PUDP: variants seen among roughly 807,000 people sequenced by gnomAD.
PUDP encodes pseudouridine-5'-phosphatase.
Under a neutral mutation model 9.4 loss-of-function variants are expected in PUDP, and 8 were observed. The ratio of observed to expected loss-of-function variants is 0.85; its 90% confidence interval spans 0.50 to 1.53. The LOEUF is 1.53. PUDP is among the 40% of genes most tolerant of loss of function. The pLI is 0.00. For synonymous variants in PUDP, 99 were observed against 80.7 expected, an observed-to-expected ratio of 1.23 and a Z score of -1.22; for missense variants, 188 against 189.7, an observed-to-expected ratio of 0.99 and a Z score of 0.05.
chrX:7,036,944 C>G (rs1255348221), intron 1 of PUDP, among the ~76,000 whole-genome samples: 1 of 112,101 alleles, frequency 8.9e-6, no homozygotes, highest in Non-Finnish European at 1.9e-5. Flanking sequence ...TTAATTGATT[C>G]CTTAGAAATA....
intron 2 of PUDP, among the ~76,000 whole-genome samples, chrX:7,088,256 T>C (rs963936192): frequency 1.8e-5 from 2 of 111,676 alleles, no homozygotes; most frequent in Admixed American, 1.9e-4. Context: ...AATTTTTTTT[T>C]TAAGTAGCAA....
upstream of PUDP, among the ~76,000 whole-genome samples, chrX:6,725,862 C>T (rs975332645): frequency 9.0e-6 from 1 of 111,471 alleles, no homozygotes; most frequent in African/African-American, 3.3e-5. Flanking sequence ...ATGGAGAGTT[C>T]CCAAAGAACT....
chrX:7,039,550 CACAG>C (rs1327571245), intron 1 of PUDP, among the ~76,000 whole-genome samples: 2 of 111,612 alleles, frequency 1.8e-5, no homozygotes, highest in Admixed American at 1.9e-4. Context: ...CACAGACACA[CACAG>C]AGAGATGACC....
chrX:6,962,305 T>C (rs1928720553), intron 3 of PUDP, among the ~76,000 whole-genome samples: 1 of 112,437 alleles, frequency 8.9e-6, no homozygotes, highest in Non-Finnish European at 1.9e-5. Flanking sequence ...ATTTGTTTGA[T>C]TGAAATACTA....
chrX:7,063,401 A>C (rs1254602397), intron 3 of PUDP, among the ~76,000 whole-genome samples: 4 of 111,738 alleles, frequency 3.6e-5, no homozygotes, highest in Non-Finnish European at 7.5e-5. Flanking sequence ...ATTGCAAAGG[A>C]AAATGATGTT....
intron 1 of PUDP, among the ~76,000 whole-genome samples, chrX:6,707,165 A>G (rs1016748513): frequency 9.0e-6 from 1 of 111,513 alleles, no homozygotes; most frequent in Non-Finnish European, 1.9e-5. Context: ...TTTTTCTCCC[A>G]TGCAAAGAGG....
intron 1 of PUDP, among the ~76,000 whole-genome samples, chrX:7,032,837 C>G (rs1232186440): frequency 1.8e-5 from 2 of 111,597 alleles, no homozygotes; most frequent in Non-Finnish European, 1.9e-5. Context: ...GATCCTACAA[C>G]TCAAAATAAA....
intron 3 of PUDP, among the ~76,000 whole-genome samples, chrX:6,764,692 A>G (rs1258769675): frequency 9.0e-6 from 1 of 111,491 alleles, no homozygotes; most frequent in East Asian, 2.8e-4. Flanking sequence ...ATTCATCAAA[A>G]TTATTGACTA....
At chrX:6,931,474 C>T (rs1407153998) in intron 3 of PUDP, among the ~76,000 whole-genome samples, 1 of 111,930 alleles carries the variant, frequency 8.9e-6, no homozygotes, top group Non-Finnish European at 1.9e-5. Context: ...CCGTGACCAG[C>T]TTTGCATTAT....
At chrX:7,055,596 A>C (rs1930219716) in intron 3 of PUDP, among the ~76,000 whole-genome samples, 1 of 111,118 alleles carries the variant, frequency 9.0e-6, no homozygotes. Flanking sequence ...CGTTACACCC[A>C]AAGATCTAAT....
At chrX:6,721,220 C>A (rs953565982) in intron 1 of PUDP, among the ~76,000 whole-genome samples, 2 of 111,904 alleles carry the variant, frequency 1.8e-5, no homozygotes, top group Non-Finnish European at 3.8e-5. Context: ...ACAAGTTAGG[C>A]TTGCAAAGTT....
At chrX:6,983,904 C>A (rs900693849) in intron 1 of PUDP, among the ~76,000 whole-genome samples, 2 of 112,414 alleles carry the variant, frequency 1.8e-5, no homozygotes, top group South Asian at 3.7e-4. Flanking sequence ...TATTTAAATT[C>A]CCAAAAATTA....
rs188631724 is a variant in PUDP at position 6,978,498 on chromosome X, C to T, written c.205-155G>A. Reference sequence around the variant, plus strand: ...GTTTTTAATACATGTGTATCGTTGTCCAGATTGTACTCACCATTAAGGAAT... The same window carrying T: ...GTTTTTAATACATGTGTATCGTTGTTCAGATTGTACTCACCATTAAGGAAT... On this transcript the variant is annotated intron_variant and NMD_transcript_variant, in intron 1 of 3. Coordinates refer to the PUDP transcript ENST00000655425. Among the ~76,000 whole-genome samples, 122 of 111,720 alleles carry T rather than the reference C, an allele frequency of 1.1e-3. 1 individual carries two copies. The highest frequency in any genetic ancestry group is 3.9e-3 in the African/African-American group (121 of 30,736).
intron 2 of PUDP, among the ~76,000 whole-genome samples, chrX:7,101,413 T>A (rs372994685): frequency 5.9e-4 from 66 of 111,729 alleles, no homozygotes; most frequent in African/African-American, 2.0e-3. Context: ...TCACCTTCTA[T>A]GAGTTTCTAT....
chrX:7,126,909 C>T (rs1932500178), intron 1 of PUDP, among the ~76,000 whole-genome samples: 1 of 111,375 alleles, frequency 9.0e-6, no homozygotes, highest in African/African-American at 3.3e-5. Flanking sequence ...AAGAAGATCA[C>T]TAAGAAATAA....
In PUDP at chrX:6,895,387, T is replaced by C. The variant is rs560951619; in HGVS notation, c.*247+81746A>G. Among the ~76,000 whole-genome samples, 9 of 91,723 alleles carry C rather than the reference T, an allele frequency of 9.8e-5. No homozygotes were observed. In the South Asian group the frequency reaches 4.1e-3, roughly 42 times the overall value. The allele number at this position is 91,723 out of a possible 115,157, so 79.7% of individuals were successfully genotyped here. On this transcript the variant is annotated intron_variant and NMD_transcript_variant, in intron 3 of 3. Coordinates refer to the PUDP transcript ENST00000655425. Reference sequence around the variant, plus strand: ...TTAGTACTATTTATTTATTATACTATTACTATTTGTTATTTACTATTATTA... The same window carrying C: ...TTAGTACTATTTATTTATTATACTACTACTATTTGTTATTTACTATTATTA...
intron 1 of PUDP, among the ~76,000 whole-genome samples, chrX:7,146,232 G>A (rs1418831587): frequency 8.9e-6 from 1 of 111,794 alleles, no homozygotes; most frequent in African/African-American, 3.3e-5. Context: ...TGAGGTCAAT[G>A]CTTGTAATGC....
chrX:7,045,097 G>A (rs1929967937), downstream of PUDP, among the ~76,000 whole-genome samples: 1 of 112,201 alleles, frequency 8.9e-6, no homozygotes, highest in African/African-American at 3.2e-5. Context: ...TCATGGGGGT[G>A]GTTTCCCCCA....
intron 3 of PUDP, among the ~76,000 whole-genome samples, chrX:6,830,768 T>G (rs1926492042): frequency 8.9e-6 from 1 of 111,997 alleles, no homozygotes; most frequent in African/African-American, 3.2e-5. Flanking sequence ...TGCCAAAAAT[T>G]GTTGAAAAAG....
Sources: gnomAD v4.1 joint callset for allele counts (sites outside exome capture counted in the v4.1 genomes callset) on GRCh38, gnomAD v4.1.1 for gene constraint, MANE v1.5 for transcripts, NCBI Gene and HGNC (gene_info 2026-07-23, HGNC 2026-07-21) for gene names.